Variants in NFYC observed in about 807,000 individuals in gnomAD.
NFYC encodes the protein nuclear transcription factor Y subunit gamma.
A neutral mutation model predicts 53.1 loss-of-function variants in NFYC; 25 were observed. The ratio of observed to expected loss-of-function variants is 0.47; its 90% CI spans 0.34 to 0.66. The LOEUF (loss-of-function observed/expected upper bound fraction) is 0.66. Among genes scored for constraint, NFYC ranks in the 30% least tolerant of loss-of-function variants. The probability of loss-of-function intolerance (pLI) is 0.01; values close to 1 mark genes in which losing one functional copy is unlikely to be tolerated. For missense variants in NFYC, 260 were observed against 422.7 expected, an observed-to-expected ratio of 0.62 and a Z score of 3.38; for synonymous variants, 145 against 152.6, an observed-to-expected ratio of 0.95 and a Z score of 0.37.
chr1:40,711,252 A>C (rs1447738480), intron 1 of NFYC, among the ~76,000 whole-genome samples: 1 of 152,228 alleles, frequency 6.6e-6, no homozygotes, highest in Non-Finnish European at 1.5e-5. Flanking sequence ...GCTTATAATA[A>C]GAAAATGTTC....
At position 40,701,392 on chromosome 1, in the gene NFYC, C is replaced by T. The variant is rs143791126; in HGVS notation, c.-9+9525C>T. ...CTGGGATTAAAGGCATGAGCCACTG[C>T]GCCCGGCCTACCTTTCTAACTCTAC... is the stretch of plus-strand genomic sequence containing the variant. On this transcript the variant is annotated intron_variant, in intron 1 of 9. Coordinates refer to ENST00000447388, the MANE Select transcript of NFYC (RefSeq NM_014223.5). Among the ~76,000 whole-genome samples, 131 of 152,326 alleles carry T rather than the reference C, an allele frequency of 8.6e-4. 2 individuals are homozygous for T. In the East Asian group the frequency reaches 0.011, roughly 13 times the overall value.
chr1:40,729,946 G>C (rs1245199465), intron 1 of NFYC, among the ~76,000 whole-genome samples: 1 of 152,108 alleles, frequency 6.6e-6, no homozygotes, highest in Admixed American at 6.6e-5. Flanking sequence ...AAAGTGCTGG[G>C]ATTACAGGCA....
chr1:40,753,012 T>C (rs1570648506), intron 4 of NFYC, 139 bp from the exon 5 acceptor site: 2 of 615,884 alleles, frequency 3.2e-6, no homozygotes, highest in Non-Finnish European at 5.8e-6. Flanking sequence ...TGAGTTTGGC[T>C]GTGCTTATTT....
intron 1 of NFYC, among the ~76,000 whole-genome samples, chr1:40,702,929 G>T (rs891084754): frequency 6.6e-6 from 1 of 152,072 alleles, no homozygotes; most frequent in Non-Finnish European, 1.5e-5. Flanking sequence ...CGATTCTGCT[G>T]CCCCAGCCTC....
chr1:40,767,542 CG>C (rs1474168649), intron 8 of NFYC, among the ~76,000 whole-genome samples: 2 of 152,056 alleles, frequency 1.3e-5, no homozygotes, highest in African/African-American at 4.8e-5. Context: ...CCTAAGGACG[CG>C]GCTTTTCCGT....
At chr1:40,758,043 G>C (rs964833205) in intron 5 of NFYC, 78 bp from the exon 6 acceptor site, 3 of 1,530,362 alleles carry the variant, frequency 2.0e-6, no homozygotes, top group Non-Finnish European at 2.7e-6. Flanking sequence ...AGCCTGTTTG[G>C]GGGAAGAGTG....
intron 2 of NFYC, among the ~76,000 whole-genome samples, chr1:40,747,221 A>G (rs1226903206): frequency 1.5e-5 from 2 of 134,496 alleles, no homozygotes; most frequent in Admixed American, 8.2e-5. Context: ...GGCGCTCATA[A>G]TGTCCCTCTA....
intron 1 of NFYC, chr1:40,695,817 T>C (rs1643100792): frequency 6.6e-6 from 1 of 152,242 alleles, no homozygotes; most frequent in Admixed American, 6.5e-5. Context: ...AACACAGGGA[T>C]AATATAGTTA....
At chr1:40,694,227 T>C (rs1291963018) in intron 1 of NFYC, among the ~76,000 whole-genome samples, 1 of 152,260 alleles carries the variant, frequency 6.6e-6, no homozygotes, top group African/African-American at 2.4e-5. Context: ...CCAGGACCTA[T>C]TCAAAGGCCT....
intron 1 of NFYC, among the ~76,000 whole-genome samples, chr1:40,715,070 ACTCC>A: frequency 7.5e-6 from 1 of 132,600 alleles, no homozygotes; most frequent in Non-Finnish European, 1.6e-5. Flanking sequence ...ACAAATCGAG[ACTCC>A]ATGTCTCAAA....
At chr1:40,742,918 C>G (rs1415398918) in intron 2 of NFYC, among the ~76,000 whole-genome samples, 3 of 152,140 alleles carry the variant, frequency 2.0e-5, no homozygotes, top group African/African-American at 7.2e-5. Flanking sequence ...TTAATCTGTC[C>G]CTTTCCAGAA....
At chr1:40,724,322 C>T (rs571065830) in intron 1 of NFYC, among the ~76,000 whole-genome samples, 141 of 152,134 alleles carry the variant, frequency 9.3e-4, no homozygotes, top group African/African-American at 3.2e-3. Context: ...GAGCCGAGAT[C>T]GTGCCATTGT....
intron 1 of NFYC, chr1:40,712,298 C>T (rs1643953936): frequency 6.6e-6 from 1 of 152,168 alleles, no homozygotes; most frequent in South Asian, 2.1e-4. Flanking sequence ...CTTTACTCAT[C>T]AAGATCCTTG....
chr1:40,767,522 C>A (rs1471508848), intron 8 of NFYC, among the ~76,000 whole-genome samples: 1 of 152,152 alleles, frequency 6.6e-6, no homozygotes, highest in Non-Finnish European at 1.5e-5. Context: ...TGTGCCCACT[C>A]CCCGGCTTAC....
chr1:40,734,003 C>A (rs1214364276), intron 1 of NFYC, among the ~76,000 whole-genome samples: 2 of 152,148 alleles, frequency 1.3e-5, no homozygotes, highest in Non-Finnish European at 2.9e-5. Flanking sequence ...ACCTCAGCCT[C>A]CCAAAGTGTT....
chr1:40,755,279 G>A (rs1646149108), intron 5 of NFYC, among the ~76,000 whole-genome samples: 1 of 152,236 alleles, frequency 6.6e-6, no homozygotes, highest in African/African-American at 2.4e-5. Flanking sequence ...GATTCCAAGA[G>A]CAAGCCCTGT....
chr1:40,699,165 C>CA (rs750467932), intron 1 of NFYC, among the ~76,000 whole-genome samples: 41 of 143,536 alleles, frequency 2.9e-4, no homozygotes, highest in East Asian at 1.6e-3. Flanking sequence ...AGACTGTCTC[C>CA]AAAAAAAAAC....
chr1:40,728,778 C>T (rs1644635200), intron 1 of NFYC, among the ~76,000 whole-genome samples: 1 of 151,962 alleles, frequency 6.6e-6, no homozygotes, highest in Non-Finnish European at 1.5e-5. Context: ...GCTGGGATTA[C>T]AGGTGCCCGC....
chr1:40,703,444 A>G (rs963955496), intron 1 of NFYC, among the ~76,000 whole-genome samples: 2 of 142,948 alleles, frequency 1.4e-5, no homozygotes, highest in African/African-American at 5.2e-5. Flanking sequence ...GTGAGCTGTG[A>G]TCATGCCACT....
Sources: gnomAD v4.1 joint callset for allele counts (sites outside exome capture counted in the v4.1 genomes callset) on GRCh38, gnomAD v4.1.1 for gene constraint, MANE v1.5 for transcripts, NCBI Gene and HGNC (gene_info 2026-07-23, HGNC 2026-07-21) for gene names.